The following METTL15 variants were observed in gnomAD, a reference collection of about 807,000 sequenced individuals.
METTL15 encodes 12S rRNA N(4)-cytidine methyltransferase METTL15.
A neutral mutation model predicts 38.3 loss-of-function variants in METTL15; 34 were observed. The observed-to-expected ratio is 0.89, with a 90% confidence interval of 0.68 to 1.18. The LOEUF (loss-of-function observed/expected upper bound fraction) is 1.18, where lower values mean the gene tolerates loss of function less well. METTL15 is among the 50% of genes most tolerant of loss of function. METTL15 has a pLI of 0.00. For missense variants in METTL15, 438 were observed against 498.4 expected (o/e 0.88, Z 1.15); for synonymous variants, 162 against 170.9 (o/e 0.95, Z 0.41).
intron 6 of METTL15, among the ~76,000 whole-genome samples, chr11:28,299,166 A>G (rs1019300488): frequency 1.3e-5 from 2 of 152,124 alleles, no homozygotes; most frequent in South Asian, 4.1e-4. Context: ...GTATGCTTGC[A>G]TTTTAATTGC....
intron 6 of METTL15, among the ~76,000 whole-genome samples, chr11:28,496,972 C>T (rs1851540058): frequency 1.3e-5 from 2 of 152,200 alleles, no homozygotes; most frequent in South Asian, 4.1e-4. Context: ...GTGCCAGGCA[C>T]CGCATTCAGG....
At position 28,162,940 on chromosome 11, in the gene METTL15, T is replaced by A. The variant is rs531747487; in HGVS notation, c.271-48122T>A. Among the ~76,000 whole-genome samples the A allele has an allele frequency of 1.1e-4, 16 of 152,236 alleles. No homozygotes were observed. In the South Asian group the frequency reaches 3.3e-3, roughly 32 times the overall value. On this transcript the variant is annotated intron_variant, in intron 3 of 6. Coordinates refer to ENST00000407364, the MANE Select transcript of METTL15 (RefSeq NM_001113528.2). The stretch of plus-strand genomic sequence containing the variant: ...CATCATAAATTGGGGACTATCTGTA[T>A]TCTATCAGATAGGTAGTATTTTGAG...
intron 4 of METTL15, among the ~76,000 whole-genome samples, chr11:28,247,122 A>G (rs1854545524): frequency 6.6e-6 from 1 of 152,138 alleles, no homozygotes; most frequent in Non-Finnish European, 1.5e-5. Flanking sequence ...TACCGTATCA[A>G]GTATTTCTGA....
At chr11:28,184,851 G>C (rs530436377) in intron 3 of METTL15, among the ~76,000 whole-genome samples, 1 of 151,396 alleles carries the variant, frequency 6.6e-6, no homozygotes, top group Non-Finnish European at 1.5e-5. Context: ...AGGCCTCTAG[G>C]AGTATATGTG....
intron 3 of METTL15, among the ~76,000 whole-genome samples, chr11:28,155,656 G>A (rs910658821): frequency 1.3e-5 from 2 of 152,142 alleles, no homozygotes; most frequent in Non-Finnish European, 2.9e-5. Flanking sequence ...GCAATGCAGG[G>A]AAGAGGACAA....
At chr11:28,205,531 G>A (rs201119429) in intron 3 of METTL15, among the ~76,000 whole-genome samples, 6 of 152,094 alleles carry the variant, frequency 3.9e-5, no homozygotes, top group Admixed American at 2.6e-4. Flanking sequence ...GTTGGTTCCA[G>A]GTCTTTGCTA....
At chr11:28,296,324 T>G (rs552115238) in intron 5 of METTL15, among the ~76,000 whole-genome samples, 72 of 152,292 alleles carry the variant, frequency 4.7e-4, no homozygotes, top group Non-Finnish European at 8.5e-4. Flanking sequence ...TCAGATTTAG[T>G]CAAGTTCTTG....
intron 4 of METTL15, among the ~76,000 whole-genome samples, chr11:28,213,801 G>A (rs1490346404): frequency 6.6e-6 from 1 of 151,292 alleles, no homozygotes; most frequent in South Asian, 2.1e-4. Flanking sequence ...GACTATAGGC[G>A]CTTGTCACCG....
At chr11:28,486,118 A>G (rs1380232853) in intron 6 of METTL15, among the ~76,000 whole-genome samples, 2 of 152,162 alleles carry the variant, frequency 1.3e-5, no homozygotes, top group Non-Finnish European at 2.9e-5. Flanking sequence ...GGGAGTATCA[A>G]TTTTAGTTGA....
chr11:28,305,935 A>C (rs148867735), intron 6 of METTL15, among the ~76,000 whole-genome samples: 57 of 152,228 alleles, frequency 3.7e-4, no homozygotes, highest in Non-Finnish European at 8.1e-4. Flanking sequence ...TGAATGAACA[A>C]ATAAATGAAG....
intron 6 of METTL15, among the ~76,000 whole-genome samples, chr11:28,465,852 T>G (rs888022059): frequency 2.6e-5 from 4 of 152,202 alleles, no homozygotes; most frequent in African/African-American, 9.7e-5. Flanking sequence ...CTCTCCACAC[T>G]TGTAACCAAA....
intron 3 of METTL15, among the ~76,000 whole-genome samples, chr11:28,133,775 G>A (rs1350311670): frequency 6.6e-6 from 1 of 152,074 alleles, no homozygotes; most frequent in Non-Finnish European, 1.5e-5. Context: ...TCTTAACCAA[G>A]CCCGCAACCT....
chr11:28,415,364 T>G (rs1422017828), intron 5 of METTL15, among the ~76,000 whole-genome samples: 2 of 152,208 alleles, frequency 1.3e-5, no homozygotes, highest in African/African-American at 2.4e-5. Context: ...AAAAGGTATC[T>G]GAGAACACAC....
intron 5 of METTL15, among the ~76,000 whole-genome samples, chr11:28,396,182 A>G (rs537312855): frequency 1.3e-5 from 2 of 152,324 alleles, no homozygotes; most frequent in African/African-American, 4.8e-5. Context: ...GCAAACTGGC[A>G]CAAGACAGGG....
chr11:28,525,049 T>A (rs763703605), intron 6 of METTL15, among the ~76,000 whole-genome samples: 1 of 152,120 alleles, frequency 6.6e-6, no homozygotes, highest in African/African-American at 2.4e-5. Flanking sequence ...TGCTCGTTCC[T>A]CCTGGTGGGT....
In METTL15 at chr11:28,113,500, G is replaced by A. The variant is rs1474205704; in HGVS notation, c.166G>A (p.Glu56Lys). The change falls in exon 3 of 7, where the codon GAG becomes AAG. Residue 56 changes from glutamate (E) to lysine (K), a missense_variant. Physicochemically the swap from Glu to Lys is moderately conservative, Grantham distance 56. Transcript: ENST00000407364. ...GCAAACAGATCAAACTCAAGCCCAG[G>A]AGTTACACAGATCTCAAGATAGAGA... ...REQTDQTQAQELHRSQDRDFE... is the reference protein window; with the variant it reads ...REQTDQTQAQKLHRSQDRDFE... The A allele has an allele frequency of 6.2e-7, 1 of 1,613,122 alleles. No homozygotes were observed. The highest frequency in any genetic ancestry group is 1.7e-5 in the Admixed American group (1 of 60,004).
intron 6 of METTL15, among the ~76,000 whole-genome samples, chr11:28,477,304 G>A (rs1851355153): frequency 6.6e-6 from 1 of 152,088 alleles, no homozygotes; most frequent in Non-Finnish European, 1.5e-5. Context: ...AGCCTCCCAA[G>A]TAGCTGGGAC....
intron 6 of METTL15, among the ~76,000 whole-genome samples, chr11:28,301,675 T>C (rs1267533344): frequency 6.6e-6 from 1 of 152,156 alleles, no homozygotes; most frequent in Admixed American, 6.6e-5. Flanking sequence ...ATTTTAGATA[T>C]ATTAGGTCAA....
chr11:28,238,444 C>T (rs1297450118), intron 4 of METTL15, among the ~76,000 whole-genome samples: 1 of 152,180 alleles, frequency 6.6e-6, no homozygotes, highest in Non-Finnish European at 1.5e-5. Flanking sequence ...TGCGCCGTTT[C>T]CTAAGCCCGT....
Sources: allele counts gnomAD v4.1 joint callset (sites outside exome capture counted in the v4.1 genomes callset), GRCh38; gene constraint gnomAD v4.1.1; transcripts MANE v1.5; gene names NCBI Gene and HGNC (gene_info 2026-07-23, HGNC 2026-07-21).